XIRP2: variants seen among roughly 807,000 people sequenced by gnomAD.
The protein encoded by XIRP2 is xin actin binding repeat containing 2.
Under a neutral mutation model 277.0 loss-of-function variants are expected in XIRP2, and 236 were observed. The ratio of observed to expected loss-of-function variants is 0.85; its 90% CI spans 0.77 to 0.95. XIRP2 has a LOEUF of 0.95. XIRP2 is among the 40% of genes least tolerant of loss of function. The pLI, the probability that XIRP2 is intolerant of heterozygous loss-of-function variation, is 0.00. For synonymous variants in XIRP2, 1,490 were observed against 1,416.5 expected, an observed-to-expected ratio of 1.05 and a Z score of -1.17; for missense variants, 4,640 against 4,157.5, an observed-to-expected ratio of 1.12 and a Z score of -3.19.
intron 2 of XIRP2, among the ~76,000 whole-genome samples, chr2:167,009,753 T>C (rs571631016): frequency 1.1e-3 from 173 of 151,908 alleles, no homozygotes; most frequent in Non-Finnish European, 2.1e-3. Flanking sequence ...TAATGATCGC[T>C]ATTCTAACTG....
chr2:167,143,348 T>C (rs1187277366), intron 3 of XIRP2, among the ~76,000 whole-genome samples: 2 of 152,014 alleles, frequency 1.3e-5, no homozygotes, highest in African/African-American at 2.4e-5. Flanking sequence ...AGATGCTTCA[T>C]AGAAATGCTG....
intron 2 of XIRP2, among the ~76,000 whole-genome samples, chr2:167,032,499 A>C (rs571755153): frequency 5.3e-5 from 8 of 152,210 alleles, no homozygotes; most frequent in Non-Finnish European, 1.0e-4. Context: ...ACCTATCATC[A>C]GAGTGAACAG....
chr2:167,236,863 C>T (rs1161924816), intron 5 of XIRP2, among the ~76,000 whole-genome samples: 2 of 152,074 alleles, frequency 1.3e-5, no homozygotes, highest in African/African-American at 2.4e-5. Flanking sequence ...CTGAGCATTA[C>T]GATGATCCAG....
chr2:167,135,767 C>T (rs999696346), intron 2 of XIRP2, 142 bp from the exon 3 acceptor site: 38 of 758,232 alleles, frequency 5.0e-5, no homozygotes, highest in Non-Finnish European at 7.2e-5. Flanking sequence ...AAGTTATCAA[C>T]ATTTTACCTG....
At chr2:166,945,099 T>C (rs945763967) in intron 2 of XIRP2, among the ~76,000 whole-genome samples, 5 of 152,102 alleles carry the variant, frequency 3.3e-5, no homozygotes, top group Non-Finnish European at 7.4e-5. Flanking sequence ...CATCCTCCAT[T>C]AGGCTCAGGA....
intron 9 of XIRP2, among the ~76,000 whole-genome samples, chr2:167,252,285 A>G (rs1695534230): frequency 6.6e-6 from 1 of 152,038 alleles, no homozygotes; most frequent in Non-Finnish European, 1.5e-5. Context: ...ACAATAATAA[A>G]TAATATCCTT....
chr2:167,211,624 G>A (rs1212524964), intron 4 of XIRP2, among the ~76,000 whole-genome samples: 6 of 152,132 alleles, frequency 3.9e-5, no homozygotes, highest in Admixed American at 2.6e-4. Flanking sequence ...GGGTTTGCAC[G>A]CCACCCTCCT....
chr2:167,037,169 A>G (rs1161202770), intron 2 of XIRP2, among the ~76,000 whole-genome samples: 1 of 152,218 alleles, frequency 6.6e-6, no homozygotes, highest in Non-Finnish European at 1.5e-5. Context: ...ACCAACAAAG[A>G]AACATCAGAC....
At chr2:167,222,684 G>T (rs1559028179) in intron 5 of XIRP2, among the ~76,000 whole-genome samples, 1 of 152,060 alleles carries the variant, frequency 6.6e-6, no homozygotes, top group African/African-American at 2.4e-5. Flanking sequence ...CTCCATTTGG[G>T]AAAAACATTC....
At chr2:167,011,859 A>T (rs892490955) in intron 2 of XIRP2, among the ~76,000 whole-genome samples, 62 of 151,886 alleles carry the variant, frequency 4.1e-4, no homozygotes, top group African/African-American at 3.4e-4. Context: ...TTTATTTGCG[A>T]AGAGGTGTTT....
chr2:167,169,622 T>G (rs1434489703), intron 3 of XIRP2, among the ~76,000 whole-genome samples: 1 of 152,232 alleles, frequency 6.6e-6, no homozygotes, highest in Non-Finnish European at 1.5e-5. Flanking sequence ...AGGGGTAACC[T>G]CCAAGCTTAT....
chr2:167,191,879 A>T (rs1693349159), intron 3 of XIRP2, among the ~76,000 whole-genome samples: 1 of 152,218 alleles, frequency 6.6e-6, no homozygotes, highest in African/African-American at 2.4e-5. Flanking sequence ...TGCTCCCGGC[A>T]TACGTATCAC....
In XIRP2 at chr2:167,258,074, C is replaced by A. The variant is rs767944884; in HGVS notation, c.*257C>A. 9.3e-6 allele frequency: 15 copies of A among 1,612,772 alleles called. No homozygotes were observed. The highest frequency in any genetic ancestry group is 1.3e-5 in the Non-Finnish European group (15 of 1,179,460). On this transcript the variant is annotated 3_prime_UTR_variant, in exon 11 of 11. Coordinates refer to ENST00000409195, the MANE Select transcript of XIRP2 (RefSeq NM_152381.6). ...AGAAAACACCCTTGTACCTGGAGATCGTAATGAACATTTAGATGCTGGTAA... is the reference window on the plus strand; with the variant it reads ...AGAAAACACCCTTGTACCTGGAGATAGTAATGAACATTTAGATGCTGGTAA...
chr2:167,024,310 T>G (rs1688084889), intron 2 of XIRP2, among the ~76,000 whole-genome samples: 1 of 152,186 alleles, frequency 6.6e-6, no homozygotes. Context: ...TTTTATATCC[T>G]GAGACTTTGC....
intron 2 of XIRP2, among the ~76,000 whole-genome samples, chr2:166,930,613 G>GT (rs1685309410): frequency 6.6e-6 from 1 of 152,076 alleles, no homozygotes; most frequent in Admixed American, 6.6e-5. Context: ...GGATTGATCG[G>GT]TTTTGAAATT....
chr2:166,976,441 C>A (rs1336922773), intron 2 of XIRP2, among the ~76,000 whole-genome samples: 1 of 152,116 alleles, frequency 6.6e-6, no homozygotes, highest in Non-Finnish European at 1.5e-5. Flanking sequence ...TATTATTCCA[C>A]TTTTTCTTCT....
chr2:167,026,575 T>A lies in XIRP2; in HGVS notation c.409-109334T>A, dbSNP rs533950568. On this transcript the variant is annotated intron_variant, in intron 2 of 10. Coordinates refer to ENST00000409195, the MANE Select transcript of XIRP2 (RefSeq NM_152381.6). ...AGATGGTCTTTACATTTTGGCATGT[T>A]TTTGCAGTGGCTGGTACCAGTTGTT... Among the ~76,000 whole-genome samples the A allele has an allele frequency of 2.0e-5, 3 of 152,318 alleles. No homozygotes were observed. In the South Asian group the frequency reaches 6.2e-4, roughly 32 times the overall value.
chr2:167,064,054 T>G (rs1305421804), intron 2 of XIRP2, among the ~76,000 whole-genome samples: 1 of 151,766 alleles, frequency 6.6e-6, no homozygotes, highest in African/African-American at 2.4e-5. Context: ...ATACCTTTTA[T>G]GTTACAACTA....
intron 2 of XIRP2, among the ~76,000 whole-genome samples, chr2:166,930,487 G>A (rs1685305942): frequency 6.6e-6 from 1 of 152,074 alleles, no homozygotes. Flanking sequence ...TATTTCAATA[G>A]ACTCATGGAA....
Sources: allele counts gnomAD v4.1 joint callset (sites outside exome capture counted in the v4.1 genomes callset), GRCh38; gene constraint gnomAD v4.1.1; transcripts MANE v1.5; gene names NCBI Gene and HGNC (gene_info 2026-07-23, HGNC 2026-07-21).